The following TMEM132D variants were observed in gnomAD, a reference collection of about 807,000 sequenced individuals.
TMEM132D encodes the protein mature OL transmembrane protein.
A neutral mutation model predicts 62.3 loss-of-function variants in TMEM132D; 21 were observed. That is an observed-to-expected ratio of 0.34 (90% CI 0.24 to 0.49). The LOEUF (loss-of-function observed/expected upper bound fraction) is 0.49, where lower values mean the gene tolerates loss of function less well. TMEM132D is among the 20% of genes least tolerant of loss of function. TMEM132D has a pLI of 0.99. For missense variants in TMEM132D, 1,346 were observed against 1,402.8 expected (o/e 0.96, Z 0.65); for synonymous variants, 621 against 575.6 (o/e 1.08, Z -1.13).
intron 2 of TMEM132D, among the ~76,000 whole-genome samples, chr12:129,574,496 A>C (rs893169743): frequency 6.6e-6 from 1 of 151,962 alleles, no homozygotes; most frequent in African/African-American, 2.4e-5. Flanking sequence ...TAGGGGCGAA[A>C]TGATGCTACA....
chr12:129,598,345 T>A (rs1186047625), intron 2 of TMEM132D, among the ~76,000 whole-genome samples: 1 of 152,194 alleles, frequency 6.6e-6, no homozygotes, highest in Non-Finnish European at 1.5e-5. Flanking sequence ...CCTGGCCATA[T>A]AAACACACCA....
chr12:129,636,200 G>C (rs1200487061), intron 2 of TMEM132D, among the ~76,000 whole-genome samples: 1 of 152,200 alleles, frequency 6.6e-6, no homozygotes, highest in Non-Finnish European at 1.5e-5. Flanking sequence ...TTCAGGAGCA[G>C]AAAAAGCCCT....
intron 5 of TMEM132D, among the ~76,000 whole-genome samples, chr12:129,117,285 G>A (rs1875924529): frequency 6.6e-6 from 1 of 151,800 alleles, no homozygotes; most frequent in Admixed American, 6.6e-5. Context: ...GAGGGGGGAG[G>A]AATGAATAGA....
In TMEM132D at chr12:129,105,147, T is replaced by G. The variant is rs1408367618; in HGVS notation, c.1444-20445A>C. Among the ~76,000 whole-genome samples, 4 of 91,938 alleles carry G rather than the reference T, an allele frequency of 4.4e-5. 1 individual carries two copies. The allele number at this position is 91,938 out of a possible 152,430, so 60.3% of individuals were successfully genotyped here. On this transcript the variant is annotated intron_variant, in intron 5 of 8. Transcript: ENST00000422113. ...AGCAAAGACTTGGAACCAACCCAAA[T>G]GTCCAACAATGATAGACTGGATTAA... is the stretch of plus-strand genomic sequence containing the variant.
chr12:129,818,300 G>A (rs924511583), intron 1 of TMEM132D, among the ~76,000 whole-genome samples: 6 of 147,338 alleles, frequency 4.1e-5, no homozygotes, highest in African/African-American at 1.5e-4. Context: ...GGGTGTGTGT[G>A]ATGTGTGTGT....
chr12:129,821,497 C>T (rs942136561), intron 1 of TMEM132D, among the ~76,000 whole-genome samples: 1 of 152,196 alleles, frequency 6.6e-6, no homozygotes, highest in African/African-American at 2.4e-5. Context: ...CCCATAATTT[C>T]AGGGTCTGCA....
intron 1 of TMEM132D, among the ~76,000 whole-genome samples, chr12:129,755,514 C>T (rs1040526687): frequency 1.3e-5 from 2 of 152,034 alleles, no homozygotes; most frequent in Admixed American, 6.5e-5. Context: ...CCCTGTGACC[C>T]GATCGCTCAT....
chr12:129,565,646 C>T (rs1411837364), intron 2 of TMEM132D, among the ~76,000 whole-genome samples: 1 of 152,158 alleles, frequency 6.6e-6, no homozygotes, highest in African/African-American at 2.4e-5. Context: ...GCCCATTCTG[C>T]CTGGTCTTTC....
chr12:129,561,498 A>T (rs1251787258), intron 2 of TMEM132D, among the ~76,000 whole-genome samples: 1 of 152,226 alleles, frequency 6.6e-6, no homozygotes, highest in Non-Finnish European at 1.5e-5. Context: ...CTGATTGAAA[A>T]TCCACAGCAG....
intron 3 of TMEM132D, among the ~76,000 whole-genome samples, chr12:129,360,000 GA>G (rs543570133): frequency 0.048 from 6,946 of 144,786 alleles, 299 homozygotes; most frequent in African/African-American, 0.12. Context: ...AAAAAAATGA[GA>G]AAAAAAAAAA....
Position 129,715,371 on chromosome 12 carries a change from C to A in TMEM132D, c.80-14673G>T, listed in dbSNP as rs116715585. On this transcript the variant is annotated intron_variant, in intron 1 of 8. Coordinates refer to ENST00000422113, the MANE Select transcript of TMEM132D (RefSeq NM_133448.3). ...AGGATCAGGAAAAAGGTCAGAGGTG[C>A]CTTATCGTTTCACGGGTGGTTCAGA... 3.1e-3 allele frequency among the ~76,000 whole-genome samples: 476 copies of A among 152,292 alleles called. 3 individuals are homozygous for A. Among genetic ancestry groups the A allele is most frequent in the African/African-American group, 0.011 (451 of 41,576 alleles).
chr12:129,454,601 T>C (rs974678614), intron 3 of TMEM132D, among the ~76,000 whole-genome samples: 2 of 152,230 alleles, frequency 1.3e-5, no homozygotes, highest in Non-Finnish European at 2.9e-5. Context: ...CAAATGGCCC[T>C]TGAGTTCATG....
intron 4 of TMEM132D, among the ~76,000 whole-genome samples, chr12:129,240,358 T>TC (rs1281216385): frequency 6.6e-6 from 1 of 152,090 alleles, no homozygotes; most frequent in Admixed American, 6.6e-5. Flanking sequence ...GGTTTGAATA[T>TC]CCCCCCACAG....
chr12:129,589,204 T>C (rs1180188427), intron 2 of TMEM132D, among the ~76,000 whole-genome samples: 1 of 152,118 alleles, frequency 6.6e-6, no homozygotes, highest in African/African-American at 2.4e-5. Flanking sequence ...GTTTACCCCA[T>C]ACTGTTCTCA....
At position 129,159,697 on chromosome 12, in the gene TMEM132D, G is replaced by T. The variant is rs187156924; in HGVS notation, c.1443+49823C>A. ...AATCACTTGAACCTGGGAGGTGGAG[G>T]TTGCAGTGAGCCTAGATTGTGCCAC... is the stretch of plus-strand genomic sequence containing the variant. On this transcript the variant is annotated intron_variant, in intron 5 of 8. Transcript: ENST00000422113. Among the ~76,000 whole-genome samples, 769 of 150,376 alleles carry T rather than the reference G, an allele frequency of 5.1e-3. 5 individuals are homozygous for T. The highest frequency in any genetic ancestry group is 8.8e-3 in the Non-Finnish European group (596 of 67,744).
intron 3 of TMEM132D, among the ~76,000 whole-genome samples, chr12:129,365,440 G>T (rs1454003382): frequency 6.6e-6 from 1 of 152,268 alleles, no homozygotes; most frequent in South Asian, 2.1e-4. Flanking sequence ...CCTATCCAAA[G>T]CTAAGGCCTT....
intron 3 of TMEM132D, among the ~76,000 whole-genome samples, chr12:129,368,591 T>A (rs1870499100): frequency 6.6e-6 from 1 of 152,012 alleles, no homozygotes; most frequent in Non-Finnish European, 1.5e-5. Context: ...TTATTATTAT[T>A]TTTTTTACAC....
intron 3 of TMEM132D, among the ~76,000 whole-genome samples, chr12:129,409,656 AAAAT>A (rs143885871): frequency 1.7e-4 from 26 of 152,354 alleles, no homozygotes; most frequent in African/African-American, 6.3e-4. Flanking sequence ...CAATTCCTAT[AAAAT>A]AAATAAAAGC....
intron 3 of TMEM132D, among the ~76,000 whole-genome samples, chr12:129,506,033 T>C (rs1256291703): frequency 6.6e-6 from 1 of 152,222 alleles, no homozygotes; most frequent in African/African-American, 2.4e-5. Flanking sequence ...AACATTAGTA[T>C]TGAGATGTGA....
Sources: gnomAD v4.1 joint callset for allele counts (sites outside exome capture counted in the v4.1 genomes callset) on GRCh38, gnomAD v4.1.1 for gene constraint, MANE v1.5 for transcripts, NCBI Gene and HGNC (gene_info 2026-07-23, HGNC 2026-07-21) for gene names.